CHRM3: variants seen among roughly 807,000 people sequenced by gnomAD.
The protein encoded by CHRM3 is muscarinic acetylcholine receptor M3.
Under a neutral mutation model 41.8 loss-of-function variants are expected in CHRM3, and 11 were observed. The observed-to-expected ratio is 0.26, with a 90% confidence interval of 0.17 to 0.44. The LOEUF is 0.44. CHRM3 is among the 20% of genes least tolerant of loss of function. The probability of loss-of-function intolerance (pLI) is 1.00; values close to 1 mark genes in which losing one functional copy is unlikely to be tolerated. For synonymous variants in CHRM3, 297 were observed against 301.4 expected (o/e 0.99, Z 0.15); for missense variants, 571 against 745.4 (o/e 0.77, Z 2.72).
chr1:239,637,753 CT>C (rs891592821), intron 4 of CHRM3, among the ~76,000 whole-genome samples: 25 of 135,308 alleles, frequency 1.8e-4, no homozygotes, highest in South Asian at 2.4e-4. Context: ...TGTGAATTTT[CT>C]TTTTTTTAAT....
intron 2 of CHRM3, among the ~76,000 whole-genome samples, chr1:239,493,911 C>A (rs1667716841): frequency 6.6e-6 from 1 of 152,044 alleles, no homozygotes; most frequent in Non-Finnish European, 1.5e-5. Flanking sequence ...AAAGAATTCA[C>A]CAGGAAAGAA....
At chr1:239,877,915 G>T (rs1192637256) in intron 6 of CHRM3, among the ~76,000 whole-genome samples, 1 of 145,548 alleles carries the variant, frequency 6.9e-6, no homozygotes, top group Non-Finnish European at 1.5e-5. Flanking sequence ...TAATGAGACA[G>T]AGTCTCGCTC....
chr1:239,471,437 T>C (rs954301397), intron 1 of CHRM3, among the ~76,000 whole-genome samples: 4 of 152,192 alleles, frequency 2.6e-5, no homozygotes, highest in African/African-American at 9.7e-5. Context: ...CCCTGGTCCA[T>C]TGTTCCCCAT....
intron 6 of CHRM3, among the ~76,000 whole-genome samples, chr1:239,830,312 C>T (rs977683957): frequency 6.6e-6 from 1 of 152,204 alleles, no homozygotes; most frequent in African/African-American, 2.4e-5. Context: ...CCTCTCCACC[C>T]TCAGTCAAAA....
intron 4 of CHRM3, among the ~76,000 whole-genome samples, chr1:239,654,154 A>G (rs1375582245): frequency 2.0e-5 from 3 of 151,572 alleles, no homozygotes; most frequent in Non-Finnish European, 4.4e-5. Flanking sequence ...CCTTTTGGAG[A>G]GATGGGGGTC....
chr1:239,864,938 T>C (rs1198210341), intron 6 of CHRM3, among the ~76,000 whole-genome samples: 1 of 152,180 alleles, frequency 6.6e-6, no homozygotes, highest in African/African-American at 2.4e-5. Context: ...ATATGTCTTC[T>C]AGGGTGGAGA....
chr1:239,657,562 C>A (rs1409773342), intron 4 of CHRM3, among the ~76,000 whole-genome samples: 1 of 152,224 alleles, frequency 6.6e-6, no homozygotes, highest in Non-Finnish European at 1.5e-5. Flanking sequence ...CTAATATGAA[C>A]TCTTCCACAA....
At chr1:239,429,809 A>T (rs1662680882) in intron 1 of CHRM3, among the ~76,000 whole-genome samples, 1 of 144,904 alleles carries the variant, frequency 6.9e-6, no homozygotes, top group Non-Finnish European at 1.5e-5. Context: ...CTCCTCCTCT[A>T]ACATCTCATT....
chr1:239,613,778 GTC>G (rs1471107648), intron 3 of CHRM3, among the ~76,000 whole-genome samples: 3 of 151,778 alleles, frequency 2.0e-5, no homozygotes, highest in Non-Finnish European at 4.4e-5. Flanking sequence ...CACCTTCTGT[GTC>G]TCTGTTTCCT....
chr1:239,504,765 A>G (rs1668455593), intron 2 of CHRM3, among the ~76,000 whole-genome samples: 1 of 152,190 alleles, frequency 6.6e-6, no homozygotes, highest in Admixed American at 6.5e-5. Flanking sequence ...ATTTGTGGTG[A>G]CCTGGATGAG....
intron 5 of CHRM3, among the ~76,000 whole-genome samples, chr1:239,736,341 A>G (rs2148459602): frequency 6.6e-6 from 1 of 152,188 alleles, no homozygotes; most frequent in Middle Eastern, 3.4e-3. Context: ...ATAGTTTGTT[A>G]TTATTAGCTA....
At chr1:239,800,905 AT>A (rs34305932) in intron 5 of CHRM3, among the ~76,000 whole-genome samples, 147,354 of 151,862 alleles carry the variant, frequency 0.97, 71,649 homozygotes, top group Non-Finnish European at 1. Context: ...AATGTAAGGG[AT>A]TTTTTTTTTC....
intron 6 of CHRM3, among the ~76,000 whole-genome samples, chr1:239,884,559 T>C (rs1210895348): frequency 6.6e-6 from 1 of 152,222 alleles, no homozygotes; most frequent in East Asian, 1.9e-4. Context: ...TGCTTGAAGA[T>C]TGCACTAACT....
chr1:239,761,246 C>G (rs1470152122), intron 5 of CHRM3, among the ~76,000 whole-genome samples: 4 of 151,946 alleles, frequency 2.6e-5, no homozygotes, highest in Non-Finnish European at 4.4e-5. Flanking sequence ...TCTTTTTATG[C>G]CTTATATGAT....
At chr1:239,552,619 C>T (rs1488371954) in intron 3 of CHRM3, among the ~76,000 whole-genome samples, 1 of 124,462 alleles carries the variant, frequency 8.0e-6, no homozygotes, top group African/African-American at 2.9e-5. Flanking sequence ...ATGCTCCACA[C>T]CTGACTAATA....
intron 4 of CHRM3, among the ~76,000 whole-genome samples, chr1:239,648,910 A>G (rs190975554): frequency 1.1e-3 from 165 of 152,314 alleles, no homozygotes; most frequent in African/African-American, 3.8e-3. Flanking sequence ...AGATCGTAAC[A>G]TTAGTAGCAT....
At chr1:239,631,057 G>A (rs115854759) in intron 3 of CHRM3, among the ~76,000 whole-genome samples, 33 of 152,216 alleles carry the variant, frequency 2.2e-4, no homozygotes, top group African/African-American at 7.7e-4. Flanking sequence ...GCTAAAGAGA[G>A]GAAGAAGGGA....
intron 5 of CHRM3, among the ~76,000 whole-genome samples, chr1:239,758,477 A>G (rs1385112623): frequency 6.6e-6 from 1 of 152,228 alleles, no homozygotes. Context: ...GCACATTTAC[A>G]TGAAAATGGT....
At chr1:239,600,380 G>A (rs1487705138) in intron 3 of CHRM3, among the ~76,000 whole-genome samples, 1 of 151,672 alleles carries the variant, frequency 6.6e-6, no homozygotes, top group Non-Finnish European at 1.5e-5. Context: ...ACTCCATTTC[G>A]CCTGCTTATG....
Sources: allele counts gnomAD v4.1 joint callset (sites outside exome capture counted in the v4.1 genomes callset), GRCh38; gene constraint gnomAD v4.1.1; transcripts MANE v1.5; gene names NCBI Gene and HGNC (gene_info 2026-07-23, HGNC 2026-07-21).